Variants in LARGE1 observed in about 807,000 individuals in gnomAD.
LARGE1 encodes LARGE xylosyl- and glucuronyltransferase 1, also known as xylosyl- and glucuronyltransferase LARGE1.
Under a neutral mutation model 87.6 loss-of-function variants are expected in LARGE1, and 43 were observed. The observed-to-expected ratio is 0.49, with a 90% CI of 0.38 to 0.63. LARGE1 has a LOEUF of 0.63. Ranked by LOEUF, LARGE1 falls within the 30% of genes least tolerant of loss-of-function variation. The pLI is 0.00. For missense variants in LARGE1, 802 were observed against 1,000.2 expected, an observed-to-expected ratio of 0.80 and a Z score of 2.67; for synonymous variants, 434 against 394.6, an observed-to-expected ratio of 1.10 and a Z score of -1.18.
intron 2 of LARGE1, among the ~76,000 whole-genome samples, chr22:33,691,490 G>A (rs957399982): frequency 6.6e-6 from 1 of 152,122 alleles, no homozygotes; most frequent in Non-Finnish European, 1.5e-5. Context: ...AATATTGACT[G>A]CACAGTAAGA....
At chr22:33,890,434 A>G (rs2064975020) in intron 1 of LARGE1, among the ~76,000 whole-genome samples, 1 of 152,204 alleles carries the variant, frequency 6.6e-6, no homozygotes, top group Admixed American at 6.5e-5. Flanking sequence ...TAACCCGCAC[A>G]GCAATTCTAG....
chr22:33,874,197 C>T (rs2064393526), intron 1 of LARGE1, among the ~76,000 whole-genome samples: 1 of 152,150 alleles, frequency 6.6e-6, no homozygotes, highest in Non-Finnish European at 1.5e-5. Flanking sequence ...AATCCGGGGA[C>T]AGGACCTAAG....
In LARGE1 at chr22:33,273,928, C is replaced by T. The variant is rs886057458; in HGVS notation, c.*499G>A. ...TTTCCAAGTGGTTGGTTTAGATCAT[C>T]GGTTTGCCCTCCGTTTGAATGCCCA... On this transcript the variant is annotated 3_prime_UTR_variant, in exon 15 of 15. Coordinates refer to ENST00000397394, the MANE Select transcript of LARGE1 (RefSeq NM_133642.5). The T allele has an allele frequency of 7.1e-5, 25 of 354,478 alleles. No homozygotes were observed. Among genetic ancestry groups the T allele is most frequent in the South Asian group, 9.0e-5 (1 of 11,148 alleles). The allele number at this position is 354,478 out of a possible 1,614,324, so 22.0% of individuals were successfully genotyped here.
chr22:33,384,217 A>G lies in LARGE1; in HGVS notation c.980T>C (p.Met327Thr). 1 of 1,613,964 alleles carries G rather than the reference A, an allele frequency of 6.2e-7. No individual in the cohort carries two copies. The highest frequency in any genetic ancestry group is 8.5e-7 in the Non-Finnish European group (1 of 1,179,826). ...CTGGTCAGCTAAGGATGTAGAGAGCATGCCCATGAGCTCCCTCTCTGCGGT... is the reference window on the plus strand; with the variant it reads ...CTGGTCAGCTAAGGATGTAGAGAGCGTGCCCATGAGCTCCCTCTCTGCGGT... ...RLTAERELMG[M>T]LSTSLADQDI... is the part of the protein sequence containing the mutation. The change falls in exon 8 of 15, where the codon ATG becomes ACG. Residue 327 changes from methionine (M) to threonine (T), a missense_variant. Coordinates refer to ENST00000397394, the MANE Select transcript of LARGE1 (RefSeq NM_133642.5).
intron 6 of LARGE1, among the ~76,000 whole-genome samples, chr22:33,507,762 T>C (rs1347549083): frequency 6.6e-6 from 1 of 152,198 alleles, no homozygotes; most frequent in Admixed American, 6.5e-5. Flanking sequence ...GGTGTTCTGG[T>C]GGAAGACACA....
intron 6 of LARGE1, among the ~76,000 whole-genome samples, chr22:33,470,113 A>C (rs2068770799): frequency 6.6e-6 from 1 of 151,622 alleles, no homozygotes; most frequent in Non-Finnish European, 1.5e-5. Flanking sequence ...GATGGTCTTG[A>C]TCTCCTGACC....
intron 5 of LARGE1, among the ~76,000 whole-genome samples, chr22:33,595,282 A>G (rs1361101845): frequency 1.3e-5 from 2 of 152,212 alleles, no homozygotes; most frequent in Non-Finnish European, 2.9e-5. Context: ...AGAAGACCAC[A>G]ATAAATAAGA....
intron 6 of LARGE1, among the ~76,000 whole-genome samples, chr22:33,557,183 T>G (rs2077715665): frequency 6.6e-6 from 1 of 152,198 alleles, no homozygotes; most frequent in South Asian, 2.1e-4. Flanking sequence ...TCTGAGAAGT[T>G]AAATGATCTT....
At chr22:33,533,277 T>A (rs1569244886) in intron 6 of LARGE1, among the ~76,000 whole-genome samples, 1 of 152,212 alleles carries the variant, frequency 6.6e-6, no homozygotes, top group African/African-American at 2.4e-5. Context: ...AATAGCTGCC[T>A]GACAATTTTA....
chr22:33,568,775 A>AAAAAAT (rs2078106057), intron 5 of LARGE1, among the ~76,000 whole-genome samples: 1 of 151,860 alleles, frequency 6.6e-6, no homozygotes, highest in Non-Finnish European at 1.5e-5. Flanking sequence ...TCAAAAAAAA[A>AAAAAAT]AAAAAAAAAA....
chr22:33,108,367 G>C, the LARGE1 span, among the ~76,000 whole-genome samples: 3 of 152,340 alleles, frequency 2.0e-5, no homozygotes, highest in Admixed American at 2.0e-4. Flanking sequence ...TACAGCTCAA[G>C]TTAGTGGAGA....
intron 6 of LARGE1, among the ~76,000 whole-genome samples, chr22:33,481,760 T>C (rs2069339494): frequency 6.6e-6 from 1 of 152,128 alleles, no homozygotes; most frequent in Admixed American, 6.6e-5. Flanking sequence ...ACCTTGCCCG[T>C]TAGAGCAACT....
At position 33,384,929 on chromosome 22, in the gene LARGE1, C is replaced by T. The variant is rs561405836; in HGVS notation, c.893-625G>A. Among the ~76,000 whole-genome samples, 14 of 148,714 alleles carry T rather than the reference C, an allele frequency of 9.4e-5. No individual in the cohort carries two copies. The East Asian group carries it at 2.5e-3, about 27-fold the overall frequency. On this transcript the variant is annotated intron_variant, in intron 7 of 14. Coordinates refer to ENST00000397394, the MANE Select transcript of LARGE1 (RefSeq NM_133642.5). The stretch of plus-strand genomic sequence containing the variant: ...ATTTGTACGATGTATACCATTTATC[C>T]GTACACACAAAAGCAGCTCCTCTGT...
chr22:33,231,140 T>G (rs143574708), intron 11 of LARGE1, among the ~76,000 whole-genome samples: 4 of 152,388 alleles, frequency 2.6e-5, no homozygotes, highest in Non-Finnish European at 5.9e-5. Context: ...TTCTTATATC[T>G]TGGCATCTAA....
intron 9 of LARGE1, among the ~76,000 whole-genome samples, chr22:33,357,014 A>G (rs1445374344): frequency 6.6e-6 from 1 of 152,228 alleles, no homozygotes; most frequent in East Asian, 1.9e-4. Flanking sequence ...CCTACTACTC[A>G]GTATCTACCC....
chr22:33,640,220 C>T (rs970918893), intron 3 of LARGE1, among the ~76,000 whole-genome samples: 1 of 152,092 alleles, frequency 6.6e-6, no homozygotes, highest in Non-Finnish European at 1.5e-5. Flanking sequence ...CTTAAAGACA[C>T]CAAATGAGGG....
chr22:33,128,732 C>T, the LARGE1 span, among the ~76,000 whole-genome samples: 100,064 of 150,212 alleles, frequency 0.67, 33,724 homozygotes, highest in African/African-American at 0.76. Context: ...AAAGAAAGTG[C>T]GGTACATATA....
the LARGE1 span, among the ~76,000 whole-genome samples, chr22:33,080,492 T>C: frequency 2.8e-4 from 42 of 152,180 alleles, no homozygotes; most frequent in Admixed American, 7.2e-4. Flanking sequence ...AAAGGGCAAA[T>C]CTCACATTAG....
exon 12 of LARGE1, chr22:33,163,110 T>C (rs1478311915): frequency 1.3e-5 from 2 of 152,194 alleles, no homozygotes; most frequent in East Asian, 3.8e-4. Flanking sequence ...ATATTATGAG[T>C]TTCTTTTAAG....
Sources: gnomAD v4.1 joint callset for allele counts (sites outside exome capture counted in the v4.1 genomes callset) on GRCh38, gnomAD v4.1.1 for gene constraint, MANE v1.5 for transcripts, NCBI Gene and HGNC (gene_info 2026-07-23, HGNC 2026-07-21) for gene names.